Variants in SYT9 observed in about 807,000 individuals in gnomAD.
SYT9 encodes the protein synaptotagmin-9.
SYT9 carries 22 observed loss-of-function variants against 48.4 expected under a neutral mutation model. The observed-to-expected ratio is 0.45, with a 90% CI of 0.32 to 0.65. The LOEUF is 0.65. SYT9 is among the 30% of genes least tolerant of loss of function. SYT9 has a pLI of 0.03. For missense variants in SYT9, 577 were observed against 622.0 expected (o/e 0.93, Z 0.77); for synonymous variants, 265 against 245.0 (o/e 1.08, Z -0.76).
Position 7,285,675 on chromosome 11 carries a change from A to C in SYT9, c.146-17364A>C, listed in dbSNP as rs1037801945. 4.6e-5 allele frequency among the ~76,000 whole-genome samples: 7 copies of C among 152,314 alleles called. No homozygotes were observed. The South Asian group carries it at 1.2e-3, about 27-fold the overall frequency. The stretch of plus-strand genomic sequence containing the variant: ...CAAGTCCAAATCTCATCTGAGACAA[A>C]GCAAGTCCCTTCTGCCTTTGAGCCT... On this transcript the variant is annotated intron_variant, in intron 1 of 6. Coordinates refer to ENST00000318881, the MANE Select transcript of SYT9 (RefSeq NM_175733.4).
chr11:7,311,381 T>A (rs1253272457), intron 2 of SYT9, among the ~76,000 whole-genome samples: 1 of 152,178 alleles, frequency 6.6e-6, no homozygotes, highest in Non-Finnish European at 1.5e-5. Flanking sequence ...GAAGACAAAA[T>A]GTTGCTGTGA....
At chr11:7,368,286 A>G (rs1850288956) in intron 3 of SYT9, among the ~76,000 whole-genome samples, 1 of 152,306 alleles carries the variant, frequency 6.6e-6, no homozygotes, top group Admixed American at 6.5e-5. Flanking sequence ...CTGCACATTT[A>G]AGCTTTATAT....
chr11:7,296,218 C>A (rs1033883670), intron 1 of SYT9, among the ~76,000 whole-genome samples: 20 of 152,180 alleles, frequency 1.3e-4, no homozygotes, highest in African/African-American at 4.6e-4. Flanking sequence ...AGACAAGATA[C>A]AGAAAATTTA....
intron 3 of SYT9, among the ~76,000 whole-genome samples, chr11:7,365,405 A>G (rs1474007724): frequency 1.3e-5 from 2 of 152,118 alleles, no homozygotes; most frequent in Non-Finnish European, 2.9e-5. Context: ...ATGAGTCTAA[A>G]CTATTTTTAA....
chr11:7,403,355 G>A (rs895061625), intron 3 of SYT9, among the ~76,000 whole-genome samples: 5 of 152,120 alleles, frequency 3.3e-5, no homozygotes, highest in African/African-American at 9.7e-5. Flanking sequence ...TTCAAGACCA[G>A]CCTGGCCAAT....
In SYT9 at chr11:7,449,322, C is replaced by CAAAAA. The variant is rs759372659; in HGVS notation, c.1468-17446_1468-17442dup. Among the ~76,000 whole-genome samples, 6 of 44,764 alleles carry CAAAAA rather than the reference C, an allele frequency of 1.3e-4. 1 individual carries two copies. The highest frequency in any genetic ancestry group is 9.3e-4 in the East Asian group (1 of 1,074). The allele number at this position is 44,764 out of a possible 152,430, so 29.4% of individuals were successfully genotyped here. ...TGGGCAACAGAGTGAGACTCCACCT[C>CAAAAA]AAAAAAAAAAAAAAAAAAAAAAAAA... is the stretch of plus-strand genomic sequence containing the variant. On this transcript the variant is annotated intron_variant, in intron 6 of 6. Coordinates refer to ENST00000318881, the MANE Select transcript of SYT9 (RefSeq NM_175733.4).
intron 3 of SYT9, among the ~76,000 whole-genome samples, chr11:7,401,773 C>A (rs1168653536): frequency 6.6e-6 from 1 of 151,588 alleles, no homozygotes; most frequent in Non-Finnish European, 1.5e-5. Context: ...TTCTCATTTT[C>A]TTTTCTGATC....
At chr11:7,407,741 C>T (rs534475748) in intron 3 of SYT9, among the ~76,000 whole-genome samples, 48 of 152,276 alleles carry the variant, frequency 3.2e-4, no homozygotes, top group Non-Finnish European at 6.2e-4. Flanking sequence ...TATCCAGTTT[C>T]CTTTTTCTGT....
At chr11:7,280,419 C>A (rs1848472351) in intron 1 of SYT9, among the ~76,000 whole-genome samples, 1 of 152,212 alleles carries the variant, frequency 6.6e-6, no homozygotes, top group African/African-American at 2.4e-5. Context: ...CTTCTTGAAT[C>A]AGATAATAGT....
At chr11:7,261,933 A>T (rs1200240143) in intron 1 of SYT9, among the ~76,000 whole-genome samples, 1 of 152,196 alleles carries the variant, frequency 6.6e-6, no homozygotes, top group Non-Finnish European at 1.5e-5. Context: ...GCCATTAGCA[A>T]GTTTTAACAG....
intron 5 of SYT9, among the ~76,000 whole-genome samples, chr11:7,419,193 A>G (rs537518465): frequency 4.6e-4 from 70 of 152,368 alleles, no homozygotes; most frequent in South Asian, 2.1e-3. Flanking sequence ...CCAACTGTGG[A>G]AGCCTAGGCC....
At chr11:7,275,870 A>G (rs1342140642) in intron 1 of SYT9, among the ~76,000 whole-genome samples, 1 of 152,078 alleles carries the variant, frequency 6.6e-6, no homozygotes, top group Non-Finnish European at 1.5e-5. Context: ...ACCTTCCCCA[A>G]AAGTCCCCAT....
chr11:7,353,441 C>T (rs1389124946), intron 3 of SYT9, among the ~76,000 whole-genome samples: 1 of 152,188 alleles, frequency 6.6e-6, no homozygotes, highest in African/African-American at 2.4e-5. Context: ...CTTGGCGAGA[C>T]ACCTTCCCAT....
chr11:7,342,981 G>A (rs937317264), intron 3 of SYT9, among the ~76,000 whole-genome samples: 8 of 152,196 alleles, frequency 5.3e-5, no homozygotes, highest in African/African-American at 1.9e-4. Flanking sequence ...AGCCCAAGCT[G>A]TACCTTGACC....
At chr11:7,296,109 G>A (rs1357486973) in intron 1 of SYT9, among the ~76,000 whole-genome samples, 1 of 152,098 alleles carries the variant, frequency 6.6e-6, no homozygotes, top group Non-Finnish European at 1.5e-5. Flanking sequence ...GAAAAAAACA[G>A]AAACAATAAC....
intron 3 of SYT9, among the ~76,000 whole-genome samples, chr11:7,345,007 AT>A (rs1428002099): frequency 1.3e-5 from 2 of 151,986 alleles, no homozygotes; most frequent in East Asian, 1.9e-4. Flanking sequence ...ATCACTTTCT[AT>A]TATTTGGAAA....
chr11:7,398,553 G>A (rs11041351), intron 3 of SYT9, among the ~76,000 whole-genome samples: 19,608 of 151,882 alleles, frequency 0.13, 1,624 homozygotes, highest in African/African-American at 0.23. Context: ...GGGACTACAG[G>A]CACCTGCCAC....
intron 1 of SYT9, among the ~76,000 whole-genome samples, chr11:7,279,165 C>G (rs565942339): frequency 1.3e-3 from 191 of 152,196 alleles, no homozygotes; most frequent in Middle Eastern, 3.4e-3. Context: ...GGCTTGTGAG[C>G]TTGGTGTCCA....
At chr11:7,330,310 G>T (rs377441152) in intron 3 of SYT9, among the ~76,000 whole-genome samples, 3 of 152,086 alleles carry the variant, frequency 2.0e-5, no homozygotes, top group African/African-American at 7.2e-5. Context: ...AAAAATCTAC[G>T]TACTGCATAT....
Sources: allele counts gnomAD v4.1 joint callset (sites outside exome capture counted in the v4.1 genomes callset), GRCh38; gene constraint gnomAD v4.1.1; transcripts MANE v1.5; gene names NCBI Gene and HGNC (gene_info 2026-07-23, HGNC 2026-07-21).